Variants in ATP8A1 observed in about 807,000 individuals in gnomAD.
ATP8A1 encodes ATPase phospholipid transporting 8A1.
In ATP8A1, 90 loss-of-function variants were observed where a neutral mutation model predicts 177.7. The ratio of observed to expected loss-of-function variants is 0.51; its 90% confidence interval spans 0.43 to 0.60. ATP8A1 has a LOEUF of 0.60. Ranked by LOEUF, ATP8A1 falls within the 20% of genes least tolerant of loss-of-function variation. ATP8A1 has a pLI of 0.00. For synonymous variants in ATP8A1, 493 were observed against 485.9 expected (o/e 1.01, Z -0.19); for missense variants, 1,072 against 1,392.8 (o/e 0.77, Z 3.67).
intron 33 of ATP8A1, among the ~76,000 whole-genome samples, 190 bp from the exon 34 acceptor site, chr4:42,423,895 C>A (rs369916348): frequency 6.6e-6 from 1 of 152,076 alleles, no homozygotes; most frequent in African/African-American, 2.4e-5. Flanking sequence ...TTAAAATATA[C>A]TCTGGATTAA....
At chr4:42,413,035 G>T in intron 36 of ATP8A1, 22 bp from the exon 37 acceptor site, 1 of 1,603,312 alleles carries the variant, frequency 6.2e-7, no homozygotes, top group Non-Finnish European at 8.5e-7. Flanking sequence ...TGATAAAACA[G>T]AAATTCTCAC....
chr4:42,437,528 G>A (rs1162100592), intron 33 of ATP8A1, among the ~76,000 whole-genome samples: 4 of 152,128 alleles, frequency 2.6e-5, no homozygotes, highest in Non-Finnish European at 4.4e-5. Context: ...CGTCACACTA[G>A]TTTCTTTTTC....
chr4:42,538,572 CA>C (rs1283197040), intron 20 of ATP8A1, among the ~76,000 whole-genome samples: 3 of 152,078 alleles, frequency 2.0e-5, no homozygotes, highest in Non-Finnish European at 4.4e-5. Context: ...GGAAAATAAA[CA>C]ATCCCATCAA....
Position 42,422,896 on chromosome 4 carries a change from G to C in ATP8A1, c.3216C>G (p.Ile1072Met). The change falls in exon 35 of 37, where the codon ATC becomes ATG. Residue 1072 changes from isoleucine (I) to methionine (M), a missense_variant. Ile to Met is a conservative substitution (Grantham distance 10). Around this residue, in one of 5 missense-constraint regions of ATP8A1, gnomAD observed 316 missense variants for 459.1 expected, o/e 0.69. Coordinates refer to ENST00000381668, the MANE Select transcript of ATP8A1 (RefSeq NM_006095.2). ...SLLLDVVYKV[I>M]KRTAFKTLVD... ...CCAATGTTTTAAAAGCAGTCCTCTT[G>C]ATACTGCAAAAAGAAAAAAAAAGGG... The C allele has an allele frequency of 6.2e-7, 1 of 1,604,110 alleles. No individual in the cohort carries two copies. Among genetic ancestry groups the C allele is most frequent in the Non-Finnish European group, 8.5e-7 (1 of 1,177,180 alleles).
At chr4:42,565,441 G>C (rs757165220) in intron 15 of ATP8A1, among the ~76,000 whole-genome samples, 7 of 152,134 alleles carry the variant, frequency 4.6e-5, no homozygotes, top group Non-Finnish European at 1.0e-4. Flanking sequence ...AGACCAGAAT[G>C]AAATGAGAAA....
rs117515670 is a variant in ATP8A1, at chr4:42,646,854, G to A, written c.49+9971C>T. On this transcript the variant is annotated intron_variant, in intron 1 of 36. Transcript: ENST00000381668. ...ACCTCTCTTTGCCAAGTCAATTAGA[G>A]GTCTAATTAATCCATGAAGCCAAGT... Among the ~76,000 whole-genome samples the A allele has an allele frequency of 7.5e-4, 114 of 152,254 alleles. 1 individual carries two copies. In the East Asian group the frequency reaches 0.021, roughly 28 times the overall value.
At chr4:42,448,396 C>CTTTTTTTTTTTT (rs1717524401) in intron 30 of ATP8A1, among the ~76,000 whole-genome samples, 1 of 84,134 alleles carries the variant, frequency 1.2e-5, no homozygotes, top group Non-Finnish European at 2.3e-5. Context: ...CCTTCTCTTT[C>CTTTTTTTTTTTT]TTTTCTTTTT....
intron 5 of ATP8A1, among the ~76,000 whole-genome samples, chr4:42,612,161 G>A (rs533246897): frequency 1.3e-5 from 2 of 152,168 alleles, no homozygotes; most frequent in South Asian, 4.2e-4. Flanking sequence ...GTGAAAGTCT[G>A]GGACACAGTG....
intron 9 of ATP8A1, among the ~76,000 whole-genome samples, chr4:42,582,520 C>G: frequency 7.4e-6 from 1 of 135,574 alleles, no homozygotes; most frequent in Non-Finnish European, 1.6e-5. Context: ...CTCTCCCCCC[C>G]CACCCAAATT....
chr4:42,578,858 T>A, intron 11 of ATP8A1, among the ~76,000 whole-genome samples: 1 of 152,110 alleles, frequency 6.6e-6, no homozygotes, highest in East Asian at 1.9e-4. Flanking sequence ...AGGTACATTA[T>A]ACTCTTCTTC....
Position 42,654,038 on chromosome 4 carries a change from A to C in ATP8A1, c.49+2787T>G, listed in dbSNP as rs1741382957. Among the ~76,000 whole-genome samples, 6 of 152,152 alleles carry C rather than the reference A, an allele frequency of 3.9e-5. No individual in the cohort carries two copies. The South Asian group carries it at 1.2e-3, about 32-fold the overall frequency. On this transcript the variant is annotated intron_variant, in intron 1 of 36. Transcript: ENST00000381668. ...TCCTTCAGCATTACATTCTTGTCAGAAATGTAGTAACTCTGGCCCCACTCC... is the reference window on the plus strand; with the variant it reads ...TCCTTCAGCATTACATTCTTGTCAGCAATGTAGTAACTCTGGCCCCACTCC...
chr4:42,411,753 C>A lies in ATP8A1; in HGVS notation c.*1163G>T, dbSNP rs543454440. 2.0e-5 allele frequency: 3 copies of A among 152,132 alleles called. No homozygotes were observed. The highest frequency in any genetic ancestry group is 6.5e-5 in the Admixed American group (1 of 15,278). The allele number at this position is 152,132 out of a possible 1,614,324, so 9.4% of individuals were successfully genotyped here. A position where few individuals can be genotyped will look rare whatever the true frequency, so the allele number is the denominator to read the frequency against. On this transcript the variant is annotated 3_prime_UTR_variant, in exon 37 of 37. Transcript: ENST00000381668. ...TTTTTAAATGGGGAAAATGTACTACCTATTTGTCCCAATAAGCAGCATGTG... is the reference window on the plus strand; with the variant it reads ...TTTTTAAATGGGGAAAATGTACTACATATTTGTCCCAATAAGCAGCATGTG...
At chr4:42,493,270 G>A (rs1244974374) in intron 24 of ATP8A1, among the ~76,000 whole-genome samples, 2 of 152,078 alleles carry the variant, frequency 1.3e-5, no homozygotes, top group Non-Finnish European at 2.9e-5. Flanking sequence ...CCAGGTTTTC[G>A]TCAACTTCAG....
At chr4:42,454,840 G>C (rs1718311698) in intron 29 of ATP8A1, among the ~76,000 whole-genome samples, 1 of 151,988 alleles carries the variant, frequency 6.6e-6, no homozygotes, top group African/African-American at 2.4e-5. Flanking sequence ...ATTCTAATGA[G>C]GACAAAGTTA....
intron 6 of ATP8A1, among the ~76,000 whole-genome samples, chr4:42,592,283 T>C (rs968589199): frequency 6.6e-6 from 1 of 152,164 alleles, no homozygotes; most frequent in Non-Finnish European, 1.5e-5. Context: ...TTGAAATTCA[T>C]AGCCACCAGT....
At chr4:42,586,292 A>G (rs1733607177) in intron 9 of ATP8A1, 57 bp downstream of exon 9, 5 of 1,587,016 alleles carry the variant, frequency 3.2e-6, no homozygotes, top group Non-Finnish European at 4.3e-6. Context: ...TAGAAGACAC[A>G]GCAATACTCT....
In ATP8A1 at chr4:42,408,438, G is replaced by A. The variant is rs1258251573; in HGVS notation, c.*4478C>T. ...TTAGAGGACAAAATGTTTAAAATTT[G>A]CAGTTTAAAACATGCACATTCACAA... On this transcript the variant is annotated 3_prime_UTR_variant, in exon 37 of 37. Transcript: ENST00000381668. 1 of 152,116 alleles carries A rather than the reference G, an allele frequency of 6.6e-6. No homozygotes were observed. The highest frequency in any genetic ancestry group is 2.4e-5 in the African/African-American group (1 of 41,430). 9.4% of individuals were successfully genotyped at this position (152,116 alleles called of 1,614,324 possible).
intron 16 of ATP8A1, among the ~76,000 whole-genome samples, chr4:42,554,246 G>C (rs982968191): frequency 1.3e-5 from 2 of 152,162 alleles, no homozygotes; most frequent in Non-Finnish European, 2.9e-5. Context: ...GTCTGGACTG[G>C]GGTGGTGAAA....
At chr4:42,567,069 C>A (rs1731426267) in intron 15 of ATP8A1, among the ~76,000 whole-genome samples, 1 of 152,216 alleles carries the variant, frequency 6.6e-6, no homozygotes, top group Non-Finnish European at 1.5e-5. Flanking sequence ...ACTTGTTCAA[C>A]AGTACCAGTA....
Sources: gnomAD v4.1 joint callset for allele counts (sites outside exome capture counted in the v4.1 genomes callset) on GRCh38, gnomAD v4.1.1 for gene constraint, gnomAD v4.1.1 regional missense constraint, MANE v1.5 for transcripts, NCBI Gene and HGNC (gene_info 2026-07-23, HGNC 2026-07-21) for gene names.